Variants in ERICH1 observed in about 807,000 individuals in gnomAD.
ERICH1 encodes the protein glutamate-rich protein 1.
Under a neutral mutation model 39.6 loss-of-function variants are expected in ERICH1, and 56 were observed. The ratio of observed to expected loss-of-function variants is 1.41; its 90% CI spans 1.14 to 1.77. The LOEUF is 1.77. Ranked by LOEUF, ERICH1 falls within the 40% of genes most tolerant of loss-of-function variation. ERICH1 has a pLI of 0.00. For synonymous variants in ERICH1, 313 were observed against 223.6 expected, an observed-to-expected ratio of 1.40 and a Z score of -3.57; for missense variants, 826 against 575.4, an observed-to-expected ratio of 1.44 and a Z score of -4.45.
intron 3 of ERICH1, among the ~76,000 whole-genome samples, chr8:621,616 C>A (rs369485039): frequency 6.6e-6 from 1 of 151,766 alleles, no homozygotes; most frequent in Non-Finnish European, 1.5e-5. Flanking sequence ...ATAACTGACA[C>A]AGAGAATAGA....
chr8:616,809 A>C (rs1584920335), intron 3 of ERICH1, among the ~76,000 whole-genome samples: 2 of 66,584 alleles, frequency 3.0e-5, no homozygotes, highest in African/African-American at 1.6e-4. Flanking sequence ...GAGAGGGGGG[A>C]GGAAGAGACG....
At position 673,508 on chromosome 8, in the gene ERICH1, G is replaced by C. The variant is rs1176117944; in HGVS notation, c.844C>G (p.Leu282Val). ...EDGVDTIEED[L>V]TRAGEEDGKD... is the part of the protein sequence containing the mutation. ...CCGTCTTCCTCCCCGGCCCGTGTCAGGTCTTCCTCAATGGTGTCCACACCG... is the reference window on the plus strand; with the variant it reads ...CCGTCTTCCTCCCCGGCCCGTGTCACGTCTTCCTCAATGGTGTCCACACCG... Residue 282 changes from leucine (L) to valine (V), a missense_variant, in exon 4 of 6, where the codon CTG (leucine) becomes GTG (valine). Coordinates refer to ENST00000262109, the MANE Select transcript of ERICH1 (RefSeq NM_207332.3). 1.9e-6 allele frequency: 3 copies of C among 1,612,284 alleles called. No individual in the cohort carries two copies. Among genetic ancestry groups the C allele is most frequent in the African/African-American group, 2.7e-5 (2 of 74,422 alleles).
intron 3 of ERICH1, chr8:616,401 C>G: frequency 2.6e-6 from 1 of 378,852 alleles, no homozygotes; most frequent in Non-Finnish European, 5.3e-6. Flanking sequence ...ACTCCTGCCA[C>G]GTGTGTGAGG....
intron 3 of ERICH1, among the ~76,000 whole-genome samples, chr8:632,503 A>G (rs1257580597): frequency 1.3e-5 from 2 of 152,248 alleles, no homozygotes; most frequent in Non-Finnish European, 2.9e-5. Flanking sequence ...TCTTTATAAG[A>G]ACAAATTTAT....
rs73670348 is a variant in ERICH1, at chr8:636,892, G to A, written c.977-21608C>T. Among the ~76,000 whole-genome samples the A allele has an allele frequency of 7.6e-3, 1,152 of 152,344 alleles. 17 individuals are homozygous for A. The highest frequency in any genetic ancestry group is 0.026 in the African/African-American group (1,067 of 41,582). On this transcript the variant is annotated intron_variant, in intron 3 of 3. Transcript: ENST00000522706. ...TTCTGAGCATTTCCCAGCCTGCACA[G>A]CCCACTTTCTGCAGGGTCGGAGGGT...
At chr8:725,597 G>C (rs565734286) in intron 1 of ERICH1, among the ~76,000 whole-genome samples, 1 of 152,246 alleles carries the variant, frequency 6.6e-6, no homozygotes, top group African/African-American at 2.4e-5. Flanking sequence ...CAACCTGCAA[G>C]CAGCCGAGAC....
chr8:674,148 G>A, intron 3 of ERICH1, 101 bp from the exon 4 acceptor site: 1 of 1,343,764 alleles, frequency 7.4e-7, no homozygotes, highest in Non-Finnish European at 9.9e-7. Flanking sequence ...AGTTTTAGTA[G>A]AAAAAGAGTT....
At chr8:650,158 C>T (rs1185361661) in intron 3 of ERICH1, among the ~76,000 whole-genome samples, 1 of 152,210 alleles carries the variant, frequency 6.6e-6, no homozygotes, top group African/African-American at 2.4e-5. Flanking sequence ...GCTTGCGTGT[C>T]CGGCACAGCG....
chr8:689,870 C>T (rs535654680), intron 3 of ERICH1, among the ~76,000 whole-genome samples: 1 of 152,344 alleles, frequency 6.6e-6, no homozygotes, highest in African/African-American at 2.4e-5. Flanking sequence ...TCTGTAAATT[C>T]ATGTAGGGCA....
At chr8:627,948 G>T (rs992563449) in intron 3 of ERICH1, among the ~76,000 whole-genome samples, 3 of 152,160 alleles carry the variant, frequency 2.0e-5, no homozygotes, top group Admixed American at 6.5e-5. Flanking sequence ...GGGCCGGGGG[G>T]GCCTGGAACG....
chr8:717,997 G>T (rs1000773076), intron 1 of ERICH1, among the ~76,000 whole-genome samples: 3 of 152,216 alleles, frequency 2.0e-5, no homozygotes. Flanking sequence ...AAAGAAAATG[G>T]CAGAACACGC....
chr8:629,593 GA>G (rs1563166778), intron 3 of ERICH1, among the ~76,000 whole-genome samples: 236 of 78,532 alleles, frequency 3.0e-3, no homozygotes, highest in African/African-American at 0.012. Flanking sequence ...ACCACCCACA[GA>G]GACAGAGCTG....
At position 623,287 on chromosome 8, in the gene ERICH1, A is replaced by C. The variant is rs149035480; in HGVS notation, c.977-8003T>G. On this transcript the variant is annotated intron_variant, in intron 3 of 3. Coordinates refer to the ERICH1 transcript ENST00000522706. ...GACACCATATGAATAAAGTACAAAA[A>C]CCATGTGGCTTCCCAATAGACGCAG... is the stretch of plus-strand genomic sequence containing the variant. 3.6e-3 allele frequency among the ~76,000 whole-genome samples: 550 copies of C among 152,268 alleles called. 4 individuals are homozygous for C. Among genetic ancestry groups the C allele is most frequent in the African/African-American group, 0.012 (515 of 41,550 alleles).
At chr8:707,126 T>C (rs1563315481) in intron 2 of ERICH1, among the ~76,000 whole-genome samples, 1 of 151,168 alleles carries the variant, frequency 6.6e-6, no homozygotes, top group East Asian at 1.9e-4. Context: ...GGTACAGACA[T>C]GGGATGGACA....
chr8:646,726 C>T lies in ERICH1; in HGVS notation c.976+21872G>A, dbSNP rs1160719890. Among the ~76,000 whole-genome samples the T allele has an allele frequency of 7.3e-5, 5 of 68,726 alleles. 1 individual carries two copies. The highest frequency in any genetic ancestry group is 1.8e-4 in the African/African-American group (5 of 27,314). 45.1% of individuals were successfully genotyped at this position (68,726 alleles called of 152,430 possible). On this transcript the variant is annotated intron_variant, in intron 3 of 3. Transcript: ENST00000522706. ...CCGGCTTGCCCCAGCCTCCCCTGCA[C>T]CTGCACTTGCTTGTCATGAAGAAGA...
chr8:644,112 C>T (rs895088032), intron 3 of ERICH1, among the ~76,000 whole-genome samples: 5 of 152,132 alleles, frequency 3.3e-5, no homozygotes, highest in Admixed American at 6.5e-5. Context: ...AAGTCTTGGC[C>T]GCATGGGGCC....
intron 1 of ERICH1, chr8:725,116 G>A (rs892093567): frequency 5.8e-6 from 1 of 172,038 alleles, no homozygotes; most frequent in Non-Finnish European, 1.2e-5. Flanking sequence ...CTTCTTGTCT[G>A]CTGTCCCCTC....
Position 713,821 on chromosome 8 carries a change from C to A in ERICH1, c.169+2040G>T, listed in dbSNP as rs192261041. 2.0e-4 allele frequency among the ~76,000 whole-genome samples: 30 copies of A among 152,284 alleles called. 1 individual carries two copies. The East Asian group carries it at 5.6e-3, about 28-fold the overall frequency. ...AACACAAATGCGTGGAGAACAAATGCCCAGTGAGAGACCACCACTATACAA... is the reference window on the plus strand; with the variant it reads ...AACACAAATGCGTGGAGAACAAATGACCAGTGAGAGACCACCACTATACAA... On this transcript the variant is annotated intron_variant, in intron 2 of 5. Transcript: ENST00000262109.
At chr8:690,682 C>T (rs1055545961) in intron 3 of ERICH1, among the ~76,000 whole-genome samples, 2 of 152,252 alleles carry the variant, frequency 1.3e-5, no homozygotes, top group Non-Finnish European at 2.9e-5. Context: ...GATGCCCCGG[C>T]GCAGAGCAGG....
Sources: gnomAD v4.1 joint callset for allele counts (sites outside exome capture counted in the v4.1 genomes callset) on GRCh38, gnomAD v4.1.1 for gene constraint, MANE v1.5 for transcripts, NCBI Gene and HGNC (gene_info 2026-07-23, HGNC 2026-07-21) for gene names.